Variants in GALNT7 observed in about 807,000 individuals in gnomAD.
The protein encoded by GALNT7 is polypeptide N-acetylgalactosaminyltransferase 7.
Under a neutral mutation model 82.1 loss-of-function variants are expected in GALNT7, and 60 were observed. That is an observed-to-expected ratio of 0.73 (90% confidence interval 0.59 to 0.91). The LOEUF (loss-of-function observed/expected upper bound fraction) is 0.91, where lower values mean the gene tolerates loss of function less well. Among genes scored for constraint, GALNT7 ranks in the 40% least tolerant of loss-of-function variants. The probability of loss-of-function intolerance (pLI) is 0.00; values close to 1 mark genes in which losing one functional copy is unlikely to be tolerated. For synonymous variants in GALNT7, 243 were observed against 275.1 expected (o/e 0.88, Z 1.15); for missense variants, 660 against 804.2 (o/e 0.82, Z 2.17).
intron 2 of GALNT7, among the ~76,000 whole-genome samples, chr4:173,271,843 T>A (rs1226934903): frequency 6.6e-6 from 1 of 152,208 alleles, no homozygotes; most frequent in East Asian, 1.9e-4. Flanking sequence ...ATTAAAATTG[T>A]TTTTACACAT....
At chr4:173,221,752 G>A (rs955028826) in intron 1 of GALNT7, among the ~76,000 whole-genome samples, 9 of 151,954 alleles carry the variant, frequency 5.9e-5, no homozygotes, top group African/African-American at 2.2e-4. Context: ...TTTAACATTC[G>A]GCTCTGACTC....
chr4:173,229,858 CATTTTT>C (rs763063416), intron 1 of GALNT7, among the ~76,000 whole-genome samples: 3 of 150,816 alleles, frequency 2.0e-5, no homozygotes, highest in African/African-American at 7.3e-5. Flanking sequence ...CTTTTTTTTT[CATTTTT>C]ATCTCCATTT....
intron 2 of GALNT7, among the ~76,000 whole-genome samples, chr4:173,266,872 T>G (rs1371580389): frequency 7.2e-5 from 5 of 69,628 alleles, no homozygotes; most frequent in Non-Finnish European, 1.2e-4. Context: ...GGGAAGGGTG[T>G]GTGTGTGTGT....
intron 1 of GALNT7, among the ~76,000 whole-genome samples, chr4:173,195,989 T>G (rs1478152942): frequency 1.3e-5 from 2 of 152,242 alleles, no homozygotes; most frequent in Admixed American, 1.3e-4. Flanking sequence ...CTTACTTTAC[T>G]TGCTTTCAGA....
intron 1 of GALNT7, among the ~76,000 whole-genome samples, chr4:173,176,029 C>T (rs1047738479): frequency 4.6e-5 from 7 of 151,658 alleles, no homozygotes; most frequent in South Asian, 2.1e-4. Context: ...GTGGAGCTCG[C>T]GCCACTACAC....
chr4:173,234,175 C>A (rs996558357), intron 1 of GALNT7, among the ~76,000 whole-genome samples: 3 of 152,188 alleles, frequency 2.0e-5, no homozygotes, highest in African/African-American at 7.2e-5. Context: ...TTGGGCTAGT[C>A]ATCTGTCTCT....
chr4:173,314,786 A>G (rs924344883), intron 9 of GALNT7, among the ~76,000 whole-genome samples: 1 of 152,178 alleles, frequency 6.6e-6, no homozygotes, highest in African/African-American at 2.4e-5. Flanking sequence ...TTGTCTTCAG[A>G]CTCACTTCTG....
intron 2 of GALNT7, among the ~76,000 whole-genome samples, chr4:173,252,269 C>G (rs1734873441): frequency 6.6e-6 from 1 of 152,188 alleles, no homozygotes; most frequent in South Asian, 2.1e-4. Context: ...GCTTGGAGCC[C>G]CTCAGAAGCT....
At position 173,292,184 on chromosome 4, in the gene GALNT7, A is replaced by C. The variant is rs201407758; in HGVS notation, c.664A>C (p.Thr222Pro). The C allele has an allele frequency of 7.5e-6, 12 of 1,606,440 alleles. No homozygotes were observed. Among genetic ancestry groups the C allele is most frequent in the Middle Eastern group, 1.6e-4 (1 of 6,066 alleles). Residue 222 changes from threonine to proline, a missense_variant, in exon 3 of 12, where the codon ACC (threonine) becomes CCC (proline). By Grantham distance (38) the Thr-to-Pro change is conservative. Coordinates refer to ENST00000265000, the MANE Select transcript of GALNT7 (RefSeq NM_017423.3). The surrounding 1 kb of genome is among the most constrained non-coding windows in gnomAD (Gnocchi z 4.8). The stretch of plus-strand genomic sequence containing the variant: ...TGTCTTCCATAATGAAGGATGGTCA[A>C]CCCTCATGAGAACAGTCCACAGTGT... ...VIVFHNEGWS[T>P]LMRTVHSVIK...
intron 11 of GALNT7, 84 bp downstream of exon 11, chr4:173,318,643 T>A: frequency 1.1e-6 from 1 of 890,572 alleles, no homozygotes. Context: ...TAAATAAATC[T>A]TAAAACCTGC....
chr4:173,217,725 T>C (rs1733515693), intron 1 of GALNT7, among the ~76,000 whole-genome samples: 1 of 152,230 alleles, frequency 6.6e-6, no homozygotes, highest in South Asian at 2.1e-4. Flanking sequence ...TTTAGCCATA[T>C]GCGCTTTAAG....
At chr4:173,210,510 A>G (rs1260224182) in intron 1 of GALNT7, among the ~76,000 whole-genome samples, 2 of 152,018 alleles carry the variant, frequency 1.3e-5, no homozygotes, top group Non-Finnish European at 2.9e-5. Flanking sequence ...CTGAAGTGAG[A>G]TGGCGCCATT....
chr4:173,269,499 G>T (rs1167670768), intron 2 of GALNT7, among the ~76,000 whole-genome samples: 1 of 152,094 alleles, frequency 6.6e-6, no homozygotes, highest in African/African-American at 2.4e-5. Flanking sequence ...GCACTGATTG[G>T]AATATTTATT....
At chr4:173,182,661 TACACAC>T (rs60501649) in intron 1 of GALNT7, among the ~76,000 whole-genome samples, 5,231 of 133,440 alleles carry the variant, frequency 0.039, 228 homozygotes, top group African/African-American at 0.12. Flanking sequence ...TTACTCATAA[TACACAC>T]ACACACACAC....
At chr4:173,279,145 T>C (rs1736017601) in intron 2 of GALNT7, among the ~76,000 whole-genome samples, 1 of 152,182 alleles carries the variant, frequency 6.6e-6, no homozygotes, top group Non-Finnish European at 1.5e-5. Flanking sequence ...GAGGTTTAAT[T>C]GGCTCATGGT....
chr4:173,203,425 A>G (rs1275841678), intron 1 of GALNT7, among the ~76,000 whole-genome samples: 1 of 152,186 alleles, frequency 6.6e-6, no homozygotes, highest in Admixed American at 6.5e-5. Flanking sequence ...ACCACTGTGT[A>G]TTTTTTGAGT....
rs549002233 is a variant in GALNT7, at chr4:173,238,821, A to G, written c.127-9159A>G. On this transcript the variant is annotated intron_variant, in intron 1 of 11. Transcript: ENST00000265000. ...GATTTTATAAATATTTTCAAATTTC[A>G]TGTGTTACATAGACTTCTTAATTAG... Among the ~76,000 whole-genome samples the G allele has an allele frequency of 4.6e-5, 7 of 152,338 alleles. No homozygotes were observed. In the East Asian group the frequency reaches 1.3e-3, roughly 29 times the overall value.
intron 1 of GALNT7, among the ~76,000 whole-genome samples, chr4:173,206,018 T>C (rs769689605): frequency 6.6e-6 from 1 of 151,246 alleles, no homozygotes; most frequent in Non-Finnish European, 1.5e-5. Context: ...ATAGTTACCA[T>C]CCTGGAACCT....
intron 2 of GALNT7, among the ~76,000 whole-genome samples, chr4:173,258,171 C>T (rs1399672027): frequency 6.6e-6 from 1 of 152,222 alleles, no homozygotes; most frequent in Non-Finnish European, 1.5e-5. Flanking sequence ...ATCTATCTAT[C>T]TTCTGGGCAG....
Sources: allele counts gnomAD v4.1 joint callset (sites outside exome capture counted in the v4.1 genomes callset), GRCh38; gene constraint gnomAD v4.1.1; non-coding constraint Gnocchi (gnomAD v3.1); transcripts MANE v1.5; gene names NCBI Gene and HGNC (gene_info 2026-07-23, HGNC 2026-07-21).